The following CELF4 variants were observed in gnomAD, a reference collection of about 807,000 sequenced individuals.
The protein encoded by CELF4 is CUG-BP- and ETR-3-like factor 4.
CELF4 carries 18 observed loss-of-function variants against 59.9 expected under a neutral mutation model. The observed-to-expected ratio is 0.30, with a 90% CI of 0.21 to 0.45. CELF4 has a LOEUF of 0.45. CELF4 is among the 20% of genes least tolerant of loss of function. The probability of loss-of-function intolerance (pLI) is 1.00; values close to 1 mark genes in which losing one functional copy is unlikely to be tolerated. For missense variants in CELF4, 456 were observed against 689.0 expected (o/e 0.66, Z 3.79); for synonymous variants, 261 against 267.1 (o/e 0.98, Z 0.22).
At chr18:37,471,722 C>A (rs970150010) in intron 2 of CELF4, among the ~76,000 whole-genome samples, 3 of 152,164 alleles carry the variant, frequency 2.0e-5, no homozygotes, top group African/African-American at 4.8e-5. Context: ...AGGGAAGCCC[C>A]AGGGGCAGCA....
At chr18:37,332,895 A>C (rs2097594788) in intron 2 of CELF4, among the ~76,000 whole-genome samples, 1 of 152,192 alleles carries the variant, frequency 6.6e-6, no homozygotes, top group South Asian at 2.1e-4. Context: ...TCCAAGCCCC[A>C]CGTCCATCTT....
intron 1 of CELF4, among the ~76,000 whole-genome samples, chr18:37,524,806 C>T (rs866382285): frequency 1.4e-4 from 21 of 152,264 alleles, no homozygotes; most frequent in Middle Eastern, 3.4e-3. Context: ...GCTCTACGCC[C>T]TCCGCGCCCC....
intron 2 of CELF4, among the ~76,000 whole-genome samples, chr18:37,437,218 AAAG>A (rs1320895597): frequency 6.6e-6 from 1 of 152,136 alleles, no homozygotes; most frequent in African/African-American, 2.4e-5. Flanking sequence ...CCCAAGAAAG[AAAG>A]AAGAATGAGA....
intron 2 of CELF4, among the ~76,000 whole-genome samples, chr18:37,484,785 T>C (rs1428536050): frequency 6.6e-6 from 1 of 152,206 alleles, no homozygotes; most frequent in Non-Finnish European, 1.5e-5. Context: ...TTCCCTGCAG[T>C]GTCCATTGTA....
chr18:37,506,734 G>C (rs188302781), intron 1 of CELF4, among the ~76,000 whole-genome samples: 1 of 152,204 alleles, frequency 6.6e-6, no homozygotes, highest in East Asian at 1.9e-4. Context: ...TCAGCCCAAC[G>C]GCAGCAGCGC....
At chr18:37,390,808 G>GGT (rs1491359705) in intron 2 of CELF4, among the ~76,000 whole-genome samples, 11 of 34,472 alleles carry the variant, frequency 3.2e-4, no homozygotes, top group South Asian at 1.0e-3. Flanking sequence ...GGGGCGGGGA[G>GGT]GGGGGGCAGT....
chr18:37,544,694 G>A lies in CELF4; in HGVS notation c.286+20662C>T, dbSNP rs191457255. On this transcript the variant is annotated intron_variant, in intron 1 of 12. Transcript: ENST00000420428. The stretch of plus-strand genomic sequence containing the variant: ...GATTGGGATCCACTTCCTGCAAGTG[G>A]GGAAGACATGTCTGTTATGACAGTT... Among the ~76,000 whole-genome samples, 107 of 152,312 alleles carry A rather than the reference G, an allele frequency of 7.0e-4. 1 individual carries two copies. Among genetic ancestry groups the A allele is most frequent in the Non-Finnish European group, 2.5e-4 (17 of 68,024 alleles).
At chr18:37,529,707 T>G (rs531685300) in intron 1 of CELF4, among the ~76,000 whole-genome samples, 1 of 152,146 alleles carries the variant, frequency 6.6e-6, no homozygotes, top group Non-Finnish European at 1.5e-5. Context: ...TGTGATGTGG[T>G]GCTGGTAGGG....
intron 2 of CELF4, among the ~76,000 whole-genome samples, chr18:37,410,417 G>A (rs1242532177): frequency 1.3e-5 from 2 of 152,246 alleles, no homozygotes; most frequent in African/African-American, 2.4e-5. Context: ...AGGGCTGCAG[G>A]CCAGTGTGGG....
chr18:37,341,606 C>T (rs539750255), intron 2 of CELF4, among the ~76,000 whole-genome samples: 10 of 152,282 alleles, frequency 6.6e-5, no homozygotes, highest in African/African-American at 2.4e-4. Flanking sequence ...TGGGCACAGG[C>T]TGCCTGGAAG....
intron 1 of CELF4, among the ~76,000 whole-genome samples, chr18:37,502,555 T>C (rs2099932992): frequency 1.3e-5 from 2 of 152,216 alleles, no homozygotes; most frequent in African/African-American, 4.8e-5. Flanking sequence ...GGCTCAGGCC[T>C]CCAGCAAGGC....
chr18:37,259,959 G>A (rs181647385), intron 10 of CELF4, among the ~76,000 whole-genome samples: 7 of 152,310 alleles, frequency 4.6e-5, no homozygotes, highest in Middle Eastern at 3.4e-3. Context: ...TCTTCATTTC[G>A]TTACCACAGT....
chr18:37,259,702 C>T (rs1239922751), intron 10 of CELF4, among the ~76,000 whole-genome samples: 1 of 152,170 alleles, frequency 6.6e-6, no homozygotes, highest in Non-Finnish European at 1.5e-5. Context: ...AAGTCCTGTG[C>T]TGGGGAGACC....
intron 1 of CELF4, among the ~76,000 whole-genome samples, chr18:37,519,711 T>C (rs1409465701): frequency 6.6e-6 from 1 of 152,238 alleles, no homozygotes; most frequent in Non-Finnish European, 1.5e-5. Context: ...CTCAGTGGCC[T>C]GGGCCTTGGC....
chr18:37,465,609 C>T (rs2099805908), intron 2 of CELF4, among the ~76,000 whole-genome samples: 1 of 152,068 alleles, frequency 6.6e-6, no homozygotes, highest in African/African-American at 2.4e-5. Context: ...CACTGTGTGC[C>T]CAGAGCTGGG....
intron 2 of CELF4, among the ~76,000 whole-genome samples, chr18:37,475,687 G>T (rs1314989600): frequency 6.6e-6 from 1 of 152,224 alleles, no homozygotes; most frequent in East Asian, 1.9e-4. Context: ...CAACTGATCT[G>T]CATGGAGTTG....
chr18:37,379,957 C>A lies in CELF4; in HGVS notation c.370-58076G>T, dbSNP rs906759283. On this transcript the variant is annotated intron_variant, in intron 2 of 12. Transcript: ENST00000420428. ...CGGGGTTCCTCACCCTTAGACCCAC[C>A]CTTCCACTCAGAGGGTGGATGGGTT... Among the ~76,000 whole-genome samples the A allele has an allele frequency of 3.3e-5, 5 of 152,172 alleles. No individual in the cohort carries two copies. The South Asian group carries it at 6.2e-4, about 19-fold the overall frequency.
Position 37,410,709 on chromosome 18 carries a change from C to T in CELF4, c.369+74816G>A, listed in dbSNP as rs149694253. Among the ~76,000 whole-genome samples, 18 of 152,292 alleles carry T rather than the reference C, an allele frequency of 1.2e-4. No individual in the cohort carries two copies. The South Asian group carries it at 2.1e-3, about 18-fold the overall frequency. On this transcript the variant is annotated intron_variant, in intron 2 of 12. Transcript: ENST00000420428. ...ATTGTATGCCTGTGTGCATGTATGACCAAGTGACTTAGGGTGCGTGAGTCA... is the reference window on the plus strand; with the variant it reads ...ATTGTATGCCTGTGTGCATGTATGATCAAGTGACTTAGGGTGCGTGAGTCA...
intron 2 of CELF4, among the ~76,000 whole-genome samples, chr18:37,434,998 T>C (rs2099685552): frequency 1.3e-5 from 2 of 152,030 alleles, no homozygotes; most frequent in Admixed American, 1.3e-4. Context: ...AAATGGCAAG[T>C]CCACAGGAGG....
Sources: allele counts gnomAD v4.1 joint callset (sites outside exome capture counted in the v4.1 genomes callset), GRCh38; gene constraint gnomAD v4.1.1; transcripts MANE v1.5; gene names NCBI Gene and HGNC (gene_info 2026-07-23, HGNC 2026-07-21).